The following SEMA6D variants were observed in gnomAD, a reference collection of about 807,000 sequenced individuals.
The protein encoded by SEMA6D is semaphorin 6D, also known as semaphorin-6D.
Under a neutral mutation model 106.6 loss-of-function variants are expected in SEMA6D, and 35 were observed. That is an observed-to-expected ratio of 0.33 (90% CI 0.25 to 0.44). The LOEUF is 0.44. Among genes scored for constraint, SEMA6D ranks in the 20% least tolerant of loss-of-function variants. The probability of loss-of-function intolerance (pLI) is 1.00; values close to 1 mark genes in which losing one functional copy is unlikely to be tolerated. For missense variants in SEMA6D, 1,185 were observed against 1,345.9 expected (o/e 0.88, Z 1.87); for synonymous variants, 499 against 487.7 (o/e 1.02, Z -0.31).
chr15:47,589,099 C>T (rs771651915), intron 3 of SEMA6D, among the ~76,000 whole-genome samples: 4 of 152,134 alleles, frequency 2.6e-5, no homozygotes, highest in South Asian at 2.1e-4. Flanking sequence ...AGCAGCCCTC[C>T]GCTGTGAGTA....
intron 4 of SEMA6D, among the ~76,000 whole-genome samples, chr15:47,641,629 C>A (rs923200688): frequency 6.6e-6 from 1 of 152,152 alleles, no homozygotes; most frequent in South Asian, 2.1e-4. Flanking sequence ...GCTTTACCAG[C>A]TTAATTCCTA....
intron 1 of SEMA6D, among the ~76,000 whole-genome samples, chr15:47,282,408 A>G (rs1232715727): frequency 2.0e-5 from 3 of 152,246 alleles, no homozygotes; most frequent in Non-Finnish European, 4.4e-5. Context: ...CAGCAGGGAG[A>G]ATAAATACTC....
At chr15:47,425,910 T>G (rs1249483928) in intron 2 of SEMA6D, among the ~76,000 whole-genome samples, 1 of 152,126 alleles carries the variant, frequency 6.6e-6, no homozygotes, top group Non-Finnish European at 1.5e-5. Flanking sequence ...TCCAGCCTAA[T>G]AAACACCTGT....
At chr15:47,494,739 G>GAGATAGAT (rs1221207054) in intron 3 of SEMA6D, among the ~76,000 whole-genome samples, 6 of 42,416 alleles carry the variant, frequency 1.4e-4, no homozygotes, top group African/African-American at 5.8e-4. Flanking sequence ...GAGTGGGATG[G>GAGATAGAT]AGATATATAT....
intron 3 of SEMA6D, among the ~76,000 whole-genome samples, chr15:47,479,476 C>T (rs996075413): frequency 6.6e-6 from 1 of 152,138 alleles, no homozygotes; most frequent in Non-Finnish European, 1.5e-5. Context: ...GCTAGTAATA[C>T]TAATAAATGT....
At chr15:47,437,039 A>AGGGAGGGGAGGGGATGGGAAG (rs2041738405) in intron 2 of SEMA6D, among the ~76,000 whole-genome samples, 1 of 27,598 alleles carries the variant, frequency 3.6e-5, no homozygotes, top group African/African-American at 1.5e-4. Context: ...AAGGGAGGGT[A>AGGGAGGGGAGGGGATGGGAAG]GGGAGGGGAG....
intron 1 of SEMA6D, among the ~76,000 whole-genome samples, chr15:47,401,776 A>G (rs1033479095): frequency 6.6e-6 from 1 of 152,152 alleles, no homozygotes; most frequent in African/African-American, 2.4e-5. Flanking sequence ...AATTGCATCA[A>G]CTGTCCCCTC....
At chr15:47,314,952 G>A (rs1349247035) in intron 1 of SEMA6D, among the ~76,000 whole-genome samples, 2 of 141,160 alleles carry the variant, frequency 1.4e-5, no homozygotes, top group Admixed American at 7.2e-5. Context: ...TGCAAGCTCC[G>A]CCTCCCGGGT....
intron 1 of SEMA6D, among the ~76,000 whole-genome samples, chr15:47,382,427 A>C (rs1217307497): frequency 3.3e-5 from 5 of 152,192 alleles, no homozygotes; most frequent in Non-Finnish European, 7.3e-5. Context: ...GAATGACGTG[A>C]ACTCAGGAGG....
chr15:47,190,896 G>A (rs990552950), intron 1 of SEMA6D, among the ~76,000 whole-genome samples: 4 of 152,182 alleles, frequency 2.6e-5, no homozygotes, highest in Non-Finnish European at 5.9e-5. Flanking sequence ...TTGATTGGGT[G>A]AGGTGGCTCA....
intron 3 of SEMA6D, among the ~76,000 whole-genome samples, chr15:47,578,268 A>T (rs180874496): frequency 1.3e-5 from 2 of 152,350 alleles, no homozygotes; most frequent in Non-Finnish European, 1.5e-5. Flanking sequence ...AATATAGGAA[A>T]ATAAAATTAC....
chr15:47,755,202 G>A (rs923410450), intron 1 of SEMA6D, among the ~76,000 whole-genome samples: 3 of 151,788 alleles, frequency 2.0e-5, no homozygotes, highest in Non-Finnish European at 2.9e-5. Flanking sequence ...CCCCCGCCTC[G>A]GCCTCCCAAA....
intron 1 of SEMA6D, among the ~76,000 whole-genome samples, chr15:47,396,015 A>G (rs1268426571): frequency 6.6e-6 from 1 of 152,108 alleles, no homozygotes; most frequent in Non-Finnish European, 1.5e-5. Flanking sequence ...GATGAAATTC[A>G]TGGTTTTATA....
chr15:47,197,424 A>G lies in SEMA6D; in HGVS notation c.-239+13006A>G, dbSNP rs117796821. Among the ~76,000 whole-genome samples, 494 of 152,224 alleles carry G rather than the reference A, an allele frequency of 3.2e-3. 2 individuals are homozygous for G. The highest frequency in any genetic ancestry group is 0.031 in the Middle Eastern group (9 of 294). ...GCCCCTCAAATTCTGTTTTTAAATT[A>G]GGTTACAGATGTGCATAGACTGCTC... On this transcript the variant is annotated intron_variant, in intron 1 of 19. Coordinates refer to the SEMA6D transcript ENST00000558014.
At chr15:47,711,390 G>A (rs1296743700) in intron 4 of SEMA6D, among the ~76,000 whole-genome samples, 1 of 151,492 alleles carries the variant, frequency 6.6e-6, no homozygotes, top group South Asian at 2.1e-4. Context: ...TCGAAGGCCA[G>A]AGGGGTTTGG....
chr15:47,606,104 C>CT (rs1393961779), intron 4 of SEMA6D, among the ~76,000 whole-genome samples: 1 of 152,028 alleles, frequency 6.6e-6, no homozygotes, highest in Non-Finnish European at 1.5e-5. Flanking sequence ...CACCCTACTA[C>CT]TTTTTTTATA....
chr15:47,471,904 T>TC (rs2042850064), intron 3 of SEMA6D, among the ~76,000 whole-genome samples: 4 of 123,636 alleles, frequency 3.2e-5, no homozygotes, highest in Non-Finnish European at 6.9e-5. Flanking sequence ...GCTGTGCTCT[T>TC]TCTCTCTCTC....
At chr15:47,411,818 G>A (rs2040809084) in intron 1 of SEMA6D, among the ~76,000 whole-genome samples, 2 of 152,098 alleles carry the variant, frequency 1.3e-5, no homozygotes, top group African/African-American at 2.4e-5. Flanking sequence ...AGCGTGGTCA[G>A]AACAAGATAA....
intron 4 of SEMA6D, among the ~76,000 whole-genome samples, chr15:47,635,068 A>T (rs117882258): frequency 0.011 from 1,606 of 152,284 alleles, 17 homozygotes; most frequent in South Asian, 0.044. Flanking sequence ...AATATGCAGG[A>T]AATAATCAGG....
Sources: gnomAD v4.1 joint callset for allele counts (sites outside exome capture counted in the v4.1 genomes callset) on GRCh38, gnomAD v4.1.1 for gene constraint, MANE v1.5 for transcripts, NCBI Gene and HGNC (gene_info 2026-07-23, HGNC 2026-07-21) for gene names.